The following BMAL1 variants were observed in gnomAD, a reference collection of about 807,000 sequenced individuals.
BMAL1 encodes the protein basic helix-loop-helix ARNT like 1.
At chr11:13,378,041 C>T in the BMAL1 span, among the ~76,000 whole-genome samples, 1 of 152,148 alleles carries the variant, frequency 6.6e-6, no homozygotes, top group Admixed American at 6.5e-5. Context: ...AGGGACTTGT[C>T]TCTGTAACCC....
chr11:13,285,894 G>C, the BMAL1 span, among the ~76,000 whole-genome samples: 2 of 151,988 alleles, frequency 1.3e-5, no homozygotes, highest in Admixed American at 1.3e-4. Flanking sequence ...GGGTTTGAAG[G>C]GTTTTCTTAT....
At chr11:13,343,734 CTTAG>C in the BMAL1 span, among the ~76,000 whole-genome samples, 2 of 152,140 alleles carry the variant, frequency 1.3e-5, no homozygotes, top group South Asian at 2.1e-4. Flanking sequence ...TGTTTGGTGA[CTTAG>C]TTAGACCTCT....
chr11:13,337,276 T>A, the BMAL1 span, among the ~76,000 whole-genome samples: 3 of 152,204 alleles, frequency 2.0e-5, no homozygotes, highest in African/African-American at 7.2e-5. Flanking sequence ...TGGTGAATTT[T>A]TTTTTGTCTT....
chr11:13,376,613 G>A, the BMAL1 span: 35 of 1,612,302 alleles, frequency 2.2e-5, no homozygotes, highest in African/African-American at 2.9e-4. Context: ...CCTGACTCAC[G>A]TTTCCTTATT....
At chr11:13,357,770 C>T in the BMAL1 span, among the ~76,000 whole-genome samples, 2 of 152,234 alleles carry the variant, frequency 1.3e-5, no homozygotes, top group African/African-American at 2.4e-5. This position sits in a 1 kb window ranked among gnomAD's most constrained non-coding sequence, Gnocchi z 4.8. Context: ...ACATTTCCAT[C>T]GTTGCTGCAC....
the BMAL1 span, among the ~76,000 whole-genome samples, chr11:13,350,355 A>G: frequency 3.3e-5 from 5 of 152,234 alleles, no homozygotes; most frequent in African/African-American, 9.6e-5. Flanking sequence ...TGTTAATGAC[A>G]AAATAACAAT....
At chr11:13,312,823 CACTT>C in the BMAL1 span, among the ~76,000 whole-genome samples, 2 of 152,208 alleles carry the variant, frequency 1.3e-5, no homozygotes, top group African/African-American at 4.8e-5. Flanking sequence ...TGGTACAAGA[CACTT>C]AGCCTCTCAG....
the BMAL1 span, among the ~76,000 whole-genome samples, chr11:13,323,087 G>A: frequency 2.6e-5 from 4 of 151,754 alleles, no homozygotes; most frequent in South Asian, 4.2e-4. Flanking sequence ...ATGAGCCACT[G>A]CACCCAGCCG....
the BMAL1 span, among the ~76,000 whole-genome samples, chr11:13,288,497 A>G: frequency 2.7e-5 from 4 of 147,352 alleles, no homozygotes; most frequent in Non-Finnish European, 4.5e-5. Flanking sequence ...GCAAGGCTCT[A>G]TTTAGCCCAC....
At chr11:13,358,825 C>T in the BMAL1 span, among the ~76,000 whole-genome samples, 1 of 152,184 alleles carries the variant, frequency 6.6e-6, no homozygotes, top group African/African-American at 2.4e-5. Context: ...AGAAACTGTG[C>T]TTTGCACGTC....
the BMAL1 span, among the ~76,000 whole-genome samples, chr11:13,306,678 G>A: frequency 6.6e-6 from 1 of 152,244 alleles, no homozygotes; most frequent in Admixed American, 6.5e-5. Context: ...AGGAAACAAC[G>A]TGGGAAAAGG....
the BMAL1 span, chr11:13,354,945 T>C: frequency 3.9e-6 from 1 of 258,876 alleles, no homozygotes; most frequent in Non-Finnish European, 7.5e-6. Context: ...TTATTTAAAT[T>C]AGTATGAACT....
chr11:13,330,828 C>T, the BMAL1 span, among the ~76,000 whole-genome samples: 7 of 152,230 alleles, frequency 4.6e-5, no homozygotes, highest in Admixed American at 6.5e-5. Context: ...CACTCAAAGG[C>T]GCAGTATTGT....
At chr11:13,367,370 G>T in the BMAL1 span, among the ~76,000 whole-genome samples, 3 of 152,128 alleles carry the variant, frequency 2.0e-5, no homozygotes, top group African/African-American at 7.2e-5. Context: ...CTTTAGTCCT[G>T]TGGGAGGCTG....
chr11:13,372,559 C>T, the BMAL1 span: 1 of 1,291,382 alleles, frequency 7.7e-7, no homozygotes, highest in Non-Finnish European at 1.1e-6. Flanking sequence ...CCTCAAATCC[C>T]AGCACTTTTT....
At chr11:13,372,534 G>T in the BMAL1 span, 2 of 1,426,446 alleles carry the variant, frequency 1.4e-6, no homozygotes, top group Non-Finnish European at 1.9e-6. Context: ...AAAAAGCTGG[G>T]TGCAGTGGCT....
At chr11:13,365,453 A>G in the BMAL1 span, 1 of 1,539,982 alleles carries the variant, frequency 6.5e-7, no homozygotes, top group Non-Finnish European at 9.0e-7. Flanking sequence ...ATTACAAATT[A>G]TGTTTCCTAC....
the BMAL1 span, chr11:13,350,045 C>G: frequency 6.6e-6 from 1 of 152,318 alleles, no homozygotes; most frequent in South Asian, 2.1e-4. Flanking sequence ...CAAGCTGGAT[C>G]TGGGGTGTAA....
At chr11:13,293,594 A>G in the BMAL1 span, among the ~76,000 whole-genome samples, 7 of 152,182 alleles carry the variant, frequency 4.6e-5, no homozygotes, top group Non-Finnish European at 8.8e-5. Context: ...TACTAAGGAG[A>G]TCTTAATCCT....
Sources: gnomAD v4.1 joint callset for allele counts (sites outside exome capture counted in the v4.1 genomes callset) on GRCh38, gnomAD v4.1.1 for gene constraint, Gnocchi (gnomAD v3.1) non-coding constraint, MANE v1.5 for transcripts, NCBI Gene and HGNC (gene_info 2026-07-23, HGNC 2026-07-21) for gene names.